Variants in PHIP observed in about 807,000 individuals in gnomAD.
PHIP encodes PHIP subunit of CUL4-Ring ligase complex.
In PHIP, 54 loss-of-function variants were observed where a neutral mutation model predicts 236.8. The ratio of observed to expected loss-of-function variants is 0.23; its 90% CI spans 0.18 to 0.29. PHIP has a LOEUF of 0.29. PHIP is among the 10% of genes least tolerant of loss of function. PHIP has a pLI of 1.00. For synonymous variants in PHIP, 756 were observed against 718.9 expected (o/e 1.05, Z -0.83); for missense variants, 1,370 against 2,190.8 (o/e 0.63, Z 7.48).
At chr6:79,034,343 A>G (rs2127754096) in intron 7 of PHIP, among the ~76,000 whole-genome samples, 1 of 152,306 alleles carries the variant, frequency 6.6e-6, no homozygotes, top group Admixed American at 6.5e-5. Flanking sequence ...CATGAAGAAA[A>G]GTTCCACAGG....
chr6:79,055,674 G>A (rs200093856), intron 6 of PHIP, among the ~76,000 whole-genome samples: 1 of 152,172 alleles, frequency 6.6e-6, no homozygotes, highest in Non-Finnish European at 1.5e-5. Context: ...CTGAGACTGA[G>A]TTCTAGTTCA....
At chr6:79,059,247 C>T (rs1773232651) in intron 6 of PHIP, among the ~76,000 whole-genome samples, 1 of 151,894 alleles carries the variant, frequency 6.6e-6, no homozygotes, top group South Asian at 2.1e-4. Flanking sequence ...GAGAAAGGAA[C>T]ACAGAGGTTA....
At chr6:78,949,018 T>C (rs1773988552) in intron 35 of PHIP, among the ~76,000 whole-genome samples, 3 of 152,192 alleles carry the variant, frequency 2.0e-5, no homozygotes, top group Non-Finnish European at 2.9e-5. Flanking sequence ...TTTCCAGTAC[T>C]ACATTGAATA....
chr6:78,949,173 C>T (rs966956965), intron 35 of PHIP, among the ~76,000 whole-genome samples: 7 of 151,996 alleles, frequency 4.6e-5, no homozygotes, highest in Non-Finnish European at 7.4e-5. Context: ...CCTTTGTTCC[C>T]GGTTTTCTTA....
At chr6:79,013,356 A>G (rs1770687170) in intron 15 of PHIP, among the ~76,000 whole-genome samples, 1 of 151,696 alleles carries the variant, frequency 6.6e-6, no homozygotes. Context: ...ACTGTCTGCA[A>G]TTCTATGAAT....
chr6:79,043,129 T>C (rs1312076072), intron 6 of PHIP, 126 bp from the exon 7 acceptor site: 3 of 710,502 alleles, frequency 4.2e-6, no homozygotes, highest in East Asian at 2.7e-5. Flanking sequence ...TTCTGATATA[T>C]ATGGCTTCTA....
rs887663559 is a variant in PHIP, at chr6:78,990,752, T to C, written c.2319+116A>G. ...ATCCAGAGATAACCAAGATTTACTA[T>C]GTTAATTTTTATCATTAACCTGTTT... is the stretch of plus-strand genomic sequence containing the variant. On this transcript the variant is annotated intron_variant, in intron 20 of 39. Coordinates refer to ENST00000275034, the MANE Select transcript of PHIP (RefSeq NM_017934.7). 13 of 534,544 alleles carry C rather than the reference T, an allele frequency of 2.4e-5. No individual in the cohort carries two copies. In the East Asian group the frequency reaches 3.8e-4, roughly 16 times the overall value. 33.1% of individuals were successfully genotyped at this position (534,544 alleles called of 1,614,324 possible). A position where few individuals can be genotyped will look rare whatever the true frequency, so the allele number is the denominator to read the frequency against.
intron 38 of PHIP, 44 bp from the exon 39 acceptor site, chr6:78,945,541 C>A (rs1299828436): frequency 2.5e-6 from 3 of 1,210,642 alleles, no homozygotes; most frequent in African/African-American, 1.5e-5. Context: ...GTTATTGAAC[C>A]TAAAGATAAG....
intron 6 of PHIP, among the ~76,000 whole-genome samples, chr6:79,056,184 T>C (rs1396536808): frequency 1.3e-5 from 2 of 152,194 alleles, no homozygotes; most frequent in African/African-American, 4.8e-5. Flanking sequence ...AAATCAATAG[T>C]AGAGATAAGT....
At chr6:78,945,206 C>T (rs1773735827) in intron 39 of PHIP, 94 bp downstream of exon 39, 1 of 924,930 alleles carries the variant, frequency 1.1e-6, no homozygotes, top group African/African-American at 1.7e-5. Flanking sequence ...TTTAAGTGGG[C>T]AACCTGAAAA....
chr6:79,041,229 A>G (rs1772193108), intron 7 of PHIP, among the ~76,000 whole-genome samples: 1 of 152,126 alleles, frequency 6.6e-6, no homozygotes, highest in Non-Finnish European at 1.5e-5. Flanking sequence ...AGAACAAGTG[A>G]CAAACTGGGT....
chr6:79,006,716 G>C (rs1770310795), intron 15 of PHIP, among the ~76,000 whole-genome samples: 2 of 151,942 alleles, frequency 1.3e-5, no homozygotes, highest in Admixed American at 1.3e-4. Flanking sequence ...ATTAGAAATA[G>C]AGTGAAACTA....
chr6:78,958,696 T>C lies in PHIP; in HGVS notation c.3657-96A>G, dbSNP rs537953739. On this transcript the variant is annotated intron_variant, in intron 31 of 39. Transcript: ENST00000275034. ...AGACATTCCAACTTTTCAACTTCAGTCTAAACCAACTGTAAAAACCATTGG... is the reference window on the plus strand; with the variant it reads ...AGACATTCCAACTTTTCAACTTCAGCCTAAACCAACTGTAAAAACCATTGG... 1.2e-5 allele frequency: 9 copies of C among 766,090 alleles called. No individual in the cohort carries two copies. The East Asian group carries it at 1.8e-4, about 15-fold the overall frequency. 47.5% of individuals were successfully genotyped at this position (766,090 alleles called of 1,614,324 possible). A position where few individuals can be genotyped will look rare whatever the true frequency, so the allele number is the denominator to read the frequency against.
At chr6:79,069,405 A>C (rs945794846) in intron 4 of PHIP, among the ~76,000 whole-genome samples, 6 of 151,946 alleles carry the variant, frequency 3.9e-5, no homozygotes, top group African/African-American at 1.4e-4. Flanking sequence ...TCTCCACAGA[A>C]AAACAGAGTA....
chr6:78,973,191 C>G (rs1334676333), intron 24 of PHIP, among the ~76,000 whole-genome samples: 2 of 152,098 alleles, frequency 1.3e-5, no homozygotes, highest in Middle Eastern at 3.2e-3. Context: ...AGCAGAAACT[C>G]TACAAGCCAG....
At chr6:79,049,278 TCTCGAA>T (rs1388626405) in intron 6 of PHIP, among the ~76,000 whole-genome samples, 2 of 152,152 alleles carry the variant, frequency 1.3e-5, no homozygotes, top group East Asian at 3.9e-4. Flanking sequence ...GTCAGGCTGG[TCTCGAA>T]CTCCCAGCCT....
intron 20 of PHIP, among the ~76,000 whole-genome samples, chr6:78,989,411 G>C (rs1164709471): frequency 6.6e-6 from 1 of 152,164 alleles, no homozygotes; most frequent in African/African-American, 2.4e-5. Context: ...AACACAATGA[G>C]ACTCTGTCTC....
chr6:78,996,458 C>T (rs1308879263), intron 19 of PHIP, among the ~76,000 whole-genome samples: 2 of 152,092 alleles, frequency 1.3e-5, no homozygotes, highest in East Asian at 3.8e-4. Context: ...TCAATTATTT[C>T]AGAATTGGTG....
intron 29 of PHIP, among the ~76,000 whole-genome samples, chr6:78,964,068 T>C (rs768380620): frequency 6.6e-6 from 1 of 152,228 alleles, no homozygotes; most frequent in Admixed American, 6.5e-5. Context: ...CTGGCTGCAT[T>C]GCTATCATAT....
Sources: gnomAD v4.1 joint callset for allele counts (sites outside exome capture counted in the v4.1 genomes callset) on GRCh38, gnomAD v4.1.1 for gene constraint, MANE v1.5 for transcripts, NCBI Gene and HGNC (gene_info 2026-07-23, HGNC 2026-07-21) for gene names.